Variants in CNIH3 observed in about 807,000 individuals in gnomAD.
The protein encoded by CNIH3 is protein cornichon homolog 3.
Under a neutral mutation model 24.1 loss-of-function variants are expected in CNIH3, and 14 were observed. The ratio of observed to expected loss-of-function variants is 0.58; its 90% confidence interval spans 0.38 to 0.91. CNIH3 has a LOEUF of 0.91. Ranked by LOEUF, CNIH3 falls within the 40% of genes least tolerant of loss-of-function variation. The pLI is 0.00. For synonymous variants in CNIH3, 68 were observed against 73.8 expected, an observed-to-expected ratio of 0.92 and a Z score of 0.40; for missense variants, 178 against 196.8, an observed-to-expected ratio of 0.90 and a Z score of 0.57.
rs1042127246 is a variant in CNIH3, at chr1:224,704,551, T to C, written c.198+19708T>C. On this transcript the variant is annotated intron_variant, in intron 3 of 5. Coordinates refer to ENST00000272133, the MANE Select transcript of CNIH3 (RefSeq NM_152495.2). The surrounding 1 kb of genome is among the most constrained non-coding windows in gnomAD (Gnocchi z 4.2). ...AGCCTTCACCAAGATCCGCCGCTTA[T>C]TCAGTTTGCCACATTTGCCTTCTCA... Among the ~76,000 whole-genome samples, 2 of 152,134 alleles carry C rather than the reference T, an allele frequency of 1.3e-5. No homozygotes were observed. The highest frequency in any genetic ancestry group is 2.9e-5 in the Non-Finnish European group (2 of 68,032).
chr1:224,524,712 G>A (rs530045801), intron 2 of CNIH3, among the ~76,000 whole-genome samples: 2 of 152,154 alleles, frequency 1.3e-5, no homozygotes, highest in African/African-American at 4.8e-5. Context: ...GGGTTGTTGG[G>A]TGTATTTGTT....
At chr1:224,494,927 C>A (rs1259534423) in intron 1 of CNIH3, among the ~76,000 whole-genome samples, 3 of 152,190 alleles carry the variant, frequency 2.0e-5, no homozygotes, top group East Asian at 3.9e-4. Flanking sequence ...GCCCTCTCTG[C>A]CTACCTCCAC....
At chr1:224,623,178 G>A (rs888888336) in intron 1 of CNIH3, among the ~76,000 whole-genome samples, 5 of 152,036 alleles carry the variant, frequency 3.3e-5, no homozygotes, top group South Asian at 2.1e-4. Context: ...CTCTACTCCC[G>A]CACTCTGCTG....
At chr1:224,625,571 C>G (rs561159376) in intron 1 of CNIH3, among the ~76,000 whole-genome samples, 7 of 152,246 alleles carry the variant, frequency 4.6e-5, no homozygotes, top group African/African-American at 1.4e-4. Context: ...AAAAAAAGCA[C>G]ATTTTTGGGC....
At chr1:224,702,479 C>T (rs995115890) in intron 3 of CNIH3, among the ~76,000 whole-genome samples, 3 of 152,182 alleles carry the variant, frequency 2.0e-5, no homozygotes, top group African/African-American at 7.2e-5. Context: ...TGTCTGTTTC[C>T]CCACACCAGC....
At chr1:224,649,308 C>T (rs77632685) in intron 1 of CNIH3, among the ~76,000 whole-genome samples, 16 of 152,192 alleles carry the variant, frequency 1.1e-4, no homozygotes, top group East Asian at 9.7e-4. Context: ...CGGTGGTCTC[C>T]GAGAGCTGGA....
At chr1:224,588,816 TAAAA>T (rs1187452852), downstream of CNIH3, among the ~76,000 whole-genome samples, 1 of 151,190 alleles carries the variant, frequency 6.6e-6, no homozygotes, top group East Asian at 1.9e-4. Context: ...TTCTAGGAGT[TAAAA>T]AAAAGACTTT....
intron 1 of CNIH3, among the ~76,000 whole-genome samples, 174 bp from the exon 2 acceptor site, chr1:224,680,784 T>C (rs1370625451): frequency 5.3e-5 from 8 of 152,182 alleles, no homozygotes; most frequent in Admixed American, 5.2e-4. Flanking sequence ...AAGAATATAA[T>C]CAACCCCATG....
At chr1:224,565,179 TGATCTGA>T (rs1263182774) in intron 3 of CNIH3, among the ~76,000 whole-genome samples, 4 of 152,222 alleles carry the variant, frequency 2.6e-5, no homozygotes, top group African/African-American at 7.2e-5. Context: ...CTAGGGTAGC[TGATCTGA>T]GTGTGTGTAT....
At chr1:224,666,686 G>A (rs1685613349) in intron 1 of CNIH3, among the ~76,000 whole-genome samples, 1 of 152,172 alleles carries the variant, frequency 6.6e-6, no homozygotes, top group South Asian at 2.1e-4. Context: ...TGTCCATTGG[G>A]TACAACATGG....
At chr1:224,487,896 T>C (rs1374168097) in intron 1 of CNIH3, among the ~76,000 whole-genome samples, 1 of 152,196 alleles carries the variant, frequency 6.6e-6, no homozygotes, top group Admixed American at 6.5e-5. Flanking sequence ...TTAAAAACCC[T>C]TTCCTTCTTT....
intron 3 of CNIH3, among the ~76,000 whole-genome samples, chr1:224,557,004 A>G (rs1021431769): frequency 6.6e-6 from 1 of 152,108 alleles, no homozygotes; most frequent in Non-Finnish European, 1.5e-5. Flanking sequence ...ACCCATTCTC[A>G]AACAGGCTTG....
chr1:224,517,003 A>G (rs548154759), intron 1 of CNIH3, among the ~76,000 whole-genome samples: 1 of 152,214 alleles, frequency 6.6e-6, no homozygotes, highest in Admixed American at 6.5e-5. Context: ...GGGTAGGGGA[A>G]GATTTCACCT....
At position 224,457,835 on chromosome 1, in the gene CNIH3, G is replaced by A. The variant is rs183726583; in HGVS notation, n.203+22973G>A. ...TTTTATAAATTAGTGATTATTGTTA[G>A]TTGAATGATCTATAAGTAAAATCCT... On this transcript the variant is annotated intron_variant and non_coding_transcript_variant, in intron 1 of 5. Transcript: ENST00000471578. 3.6e-3 allele frequency among the ~76,000 whole-genome samples: 546 copies of A among 152,264 alleles called. 4 individuals are homozygous for A. Among genetic ancestry groups the A allele is most frequent in the African/African-American group, 0.012 (512 of 41,542 alleles).
At chr1:224,461,117 G>T (rs550566114) in intron 1 of CNIH3, among the ~76,000 whole-genome samples, 2 of 151,226 alleles carry the variant, frequency 1.3e-5, no homozygotes, top group East Asian at 1.9e-4. Flanking sequence ...ATTCTTGTGC[G>T]TTGGCTTCCC....
chr1:224,733,088 T>C (rs1258833677), intron 4 of CNIH3, among the ~76,000 whole-genome samples: 3 of 152,204 alleles, frequency 2.0e-5, no homozygotes, highest in African/African-American at 7.2e-5. Flanking sequence ...CCTCCTGCTC[T>C]GGCTCTTAGT....
At chr1:224,527,742 A>C (rs2124925682) in intron 2 of CNIH3, among the ~76,000 whole-genome samples, 1 of 152,346 alleles carries the variant, frequency 6.6e-6, no homozygotes, top group African/African-American at 2.4e-5. Context: ...GAGATGATGG[A>C]TATCCTAATT....
chr1:224,692,907 C>T (rs1359501678), intron 3 of CNIH3, among the ~76,000 whole-genome samples: 1 of 152,216 alleles, frequency 6.6e-6, no homozygotes, highest in Non-Finnish European at 1.5e-5. Flanking sequence ...GCTACGGATA[C>T]CGAAACCACA....
intron 1 of CNIH3, among the ~76,000 whole-genome samples, chr1:224,672,417 A>G (rs967962558): frequency 6.6e-6 from 1 of 152,210 alleles, no homozygotes; most frequent in Non-Finnish European, 1.5e-5. Flanking sequence ...TTAACAAATT[A>G]CCACCAGGTG....
Sources: gnomAD v4.1 joint callset for allele counts (sites outside exome capture counted in the v4.1 genomes callset) on GRCh38, gnomAD v4.1.1 for gene constraint, Gnocchi (gnomAD v3.1) non-coding constraint, MANE v1.5 for transcripts, NCBI Gene and HGNC (gene_info 2026-07-23, HGNC 2026-07-21) for gene names.